Variants in CNTNAP2 observed in about 807,000 individuals in gnomAD.
CNTNAP2 encodes contactin associated protein 2.
Under a neutral mutation model 155.2 loss-of-function variants are expected in CNTNAP2, and 98 were observed. The ratio of observed to expected loss-of-function variants is 0.63; its 90% CI spans 0.54 to 0.75. The LOEUF is 0.75. Among genes scored for constraint, CNTNAP2 ranks in the 30% least tolerant of loss-of-function variants. The pLI is 0.00. For synonymous variants in CNTNAP2, 651 were observed against 631.2 expected (o/e 1.03, Z -0.47); for missense variants, 1,727 against 1,688.1 (o/e 1.02, Z -0.40).
chr7:147,818,260 T>C (rs531637406), intron 13 of CNTNAP2, among the ~76,000 whole-genome samples: 2 of 152,166 alleles, frequency 1.3e-5, no homozygotes, highest in South Asian at 4.1e-4. Flanking sequence ...CAGGCCTATG[T>C]TCATTGATAA....
chr7:147,825,889 T>C (rs1164815248), intron 13 of CNTNAP2, among the ~76,000 whole-genome samples: 1 of 152,118 alleles, frequency 6.6e-6, no homozygotes, highest in East Asian at 1.9e-4. Flanking sequence ...AGATAGAAGG[T>C]GGGATGTAAA....
At chr7:147,167,930 CT>C (rs997507688) in intron 8 of CNTNAP2, among the ~76,000 whole-genome samples, 1 of 150,800 alleles carries the variant, frequency 6.6e-6, no homozygotes, top group Admixed American at 6.6e-5. Flanking sequence ...TTTCAAATAT[CT>C]TTTTAAAAAT....
intron 1 of CNTNAP2, among the ~76,000 whole-genome samples, chr7:146,521,377 T>A (rs1235126701): frequency 1.3e-5 from 2 of 151,992 alleles, no homozygotes; most frequent in African/African-American, 2.4e-5. Context: ...TAGCATAATC[T>A]TTGAGTATAG....
At chr7:147,442,121 T>A (rs1336065689) in intron 10 of CNTNAP2, among the ~76,000 whole-genome samples, 2 of 152,062 alleles carry the variant, frequency 1.3e-5, no homozygotes, top group African/African-American at 2.4e-5. Context: ...CCTGGGTGGG[T>A]TCAGATGTGC....
At chr7:146,925,029 A>T (rs1255334088) in intron 3 of CNTNAP2, among the ~76,000 whole-genome samples, 1 of 152,124 alleles carries the variant, frequency 6.6e-6, no homozygotes, top group Non-Finnish European at 1.5e-5. Flanking sequence ...ATTGCTATGG[A>T]TCAGCCTCAC....
At chr7:146,316,300 G>T (rs1032705514) in intron 1 of CNTNAP2, among the ~76,000 whole-genome samples, 1 of 151,616 alleles carries the variant, frequency 6.6e-6, no homozygotes, top group South Asian at 2.1e-4. Context: ...TCCCTTTCTT[G>T]TCAGTTTTAG....
intron 14 of CNTNAP2, among the ~76,000 whole-genome samples, chr7:147,925,628 A>AT (rs1193479377): frequency 6.6e-6 from 1 of 151,746 alleles, no homozygotes; most frequent in African/African-American, 2.4e-5. Context: ...CACTCGGCTA[A>AT]TTTTTTGTAT....
At chr7:147,378,854 T>C (rs1796485782) in intron 9 of CNTNAP2, among the ~76,000 whole-genome samples, 1 of 152,062 alleles carries the variant, frequency 6.6e-6, no homozygotes, top group Non-Finnish European at 1.5e-5. Context: ...ACTGGTAATT[T>C]TTAAGTATTA....
intron 5 of CNTNAP2, among the ~76,000 whole-genome samples, chr7:147,113,785 T>A (rs1800932172): frequency 1.3e-5 from 2 of 152,256 alleles, no homozygotes; most frequent in South Asian, 4.2e-4. Context: ...TTTTGAAGGA[T>A]TTTTTTGTGT....
chr7:147,693,985 A>T (rs912260949), intron 13 of CNTNAP2, among the ~76,000 whole-genome samples: 40 of 151,972 alleles, frequency 2.6e-4, no homozygotes, highest in African/African-American at 9.4e-4. Flanking sequence ...TTTTTTGTGA[A>T]TATATTTTAT....
intron 13 of CNTNAP2, among the ~76,000 whole-genome samples, chr7:147,830,145 G>T (rs1416272969): frequency 1.4e-5 from 2 of 142,922 alleles, no homozygotes; most frequent in East Asian, 4.1e-4. Flanking sequence ...TACTGTCTCA[G>T]TCCATTCGGG....
chr7:147,318,081 C>A (rs1216150281), intron 9 of CNTNAP2, among the ~76,000 whole-genome samples: 2 of 151,628 alleles, frequency 1.3e-5, no homozygotes, highest in Non-Finnish European at 1.5e-5. Flanking sequence ...ATAAAACCAA[C>A]ATGACAAGCA....
chr7:147,715,445 A>G (rs1023232288), intron 13 of CNTNAP2, among the ~76,000 whole-genome samples: 1 of 152,008 alleles, frequency 6.6e-6, no homozygotes, highest in Non-Finnish European at 1.5e-5. Flanking sequence ...ATGCCAAGAG[A>G]GTTGTCATGG....
intron 15 of CNTNAP2, among the ~76,000 whole-genome samples, chr7:148,101,166 G>A (rs970804760): frequency 6.6e-6 from 1 of 151,418 alleles, no homozygotes; most frequent in Non-Finnish European, 1.5e-5. Flanking sequence ...ATAGCATTAG[G>A]AGTAATACCT....
intron 10 of CNTNAP2, among the ~76,000 whole-genome samples, chr7:147,456,432 T>G (rs574647084): frequency 3.9e-5 from 6 of 152,312 alleles, no homozygotes; most frequent in East Asian, 1.9e-4. Context: ...CTAGCCTACA[T>G]GTAATTACAA....
intron 21 of CNTNAP2, among the ~76,000 whole-genome samples, chr7:148,285,577 C>A (rs1202076628): frequency 6.6e-6 from 1 of 152,258 alleles, no homozygotes; most frequent in African/African-American, 2.4e-5. Flanking sequence ...ACCTGCCTGG[C>A]ACTACATTAT....
rs7458247 is a variant in CNTNAP2, at chr7:147,224,783, T to C, written c.1349-75358T>C. Reference sequence around the variant, plus strand: ...TCCATGTTTCCCCCCTCTCTATATATACACATATACACACACATAAACACA... The same window carrying C: ...TCCATGTTTCCCCCCTCTCTATATACACACATATACACACACATAAACACA... On this transcript the variant is annotated intron_variant, in intron 8 of 23. Transcript: ENST00000361727. Among the ~76,000 whole-genome samples, 1,191 of 152,236 alleles carry C rather than the reference T, an allele frequency of 7.8e-3. 21 individuals are homozygous for C. The highest frequency in any genetic ancestry group is 0.027 in the African/African-American group (1,119 of 41,534).
chr7:146,950,812 C>T (rs1797296363), intron 3 of CNTNAP2, among the ~76,000 whole-genome samples: 1 of 152,022 alleles, frequency 6.6e-6, no homozygotes, highest in East Asian at 1.9e-4. Flanking sequence ...TATACCTAGT[C>T]ATGGGATTGC....
chr7:147,445,340 A>G (rs1410513137), intron 10 of CNTNAP2, among the ~76,000 whole-genome samples: 3 of 152,256 alleles, frequency 2.0e-5, no homozygotes, highest in Non-Finnish European at 4.4e-5. Flanking sequence ...CAATAATGCT[A>G]GAACATTCTA....
Sources: allele counts gnomAD v4.1 joint callset (sites outside exome capture counted in the v4.1 genomes callset), GRCh38; gene constraint gnomAD v4.1.1; transcripts MANE v1.5; gene names NCBI Gene and HGNC (gene_info 2026-07-23, HGNC 2026-07-21).